The following L2HGDH variants were observed in gnomAD, a reference collection of about 807,000 sequenced individuals.
The protein encoded by L2HGDH is L-2-hydroxyglutarate dehydrogenase, also known as L-2-hydroxyglutarate dehydrogenase, mitochondrial.
A neutral mutation model predicts 51.5 loss-of-function variants in L2HGDH; 34 were observed. The observed-to-expected ratio is 0.66, with a 90% CI of 0.50 to 0.88. L2HGDH has a LOEUF of 0.88. Among genes scored for constraint, L2HGDH ranks in the 40% least tolerant of loss-of-function variants. The pLI, the probability that L2HGDH is intolerant of heterozygous loss-of-function variation, is 0.00. For synonymous variants in L2HGDH, 198 were observed against 197.9 expected, an observed-to-expected ratio of 1.00 and a Z score of -0.01; for missense variants, 558 against 571.9, an observed-to-expected ratio of 0.98 and a Z score of 0.25.
chr14:50,284,076 A>C, intron 4 of L2HGDH, 43 bp from the exon 5 acceptor site: 2 of 1,567,218 alleles, frequency 1.3e-6, no homozygotes, highest in Non-Finnish European at 1.8e-6. Flanking sequence ...GAGAAATAAT[A>C]CTTGCTAAAT....
At chr14:50,251,339 A>G (rs923515295) in intron 9 of L2HGDH, among the ~76,000 whole-genome samples, 1 of 152,152 alleles carries the variant, frequency 6.6e-6, no homozygotes. Context: ...AAAAGAAAAA[A>G]GAATAAAAAA....
At chr14:50,291,281 T>C (rs993786071) in intron 4 of L2HGDH, among the ~76,000 whole-genome samples, 4 of 151,676 alleles carry the variant, frequency 2.6e-5, no homozygotes, top group East Asian at 1.9e-4. Flanking sequence ...CAGGATGAAT[T>C]TGGCCCACAG....
At chr14:50,282,169 G>C (rs1890308662) in intron 5 of L2HGDH, among the ~76,000 whole-genome samples, 1 of 152,092 alleles carries the variant, frequency 6.6e-6, no homozygotes, top group African/African-American at 2.4e-5. Context: ...CATCACTTGG[G>C]GGCGTGATGG....
At position 50,312,165 on chromosome 14, in the gene L2HGDH, C is replaced by T. The variant is rs1460326506; in HGVS notation, c.-15G>A. The T allele has an allele frequency of 6.2e-7, 1 of 1,608,526 alleles. No individual in the cohort carries two copies. The highest frequency in any genetic ancestry group is 8.5e-7 in the Non-Finnish European group (1 of 1,178,932). On this transcript the variant is annotated 5_prime_UTR_variant, in exon 1 of 10. Coordinates refer to ENST00000267436, the MANE Select transcript of L2HGDH (RefSeq NM_024884.3). ...GCTGGCACCATCCCCTACGCACGCT[C>T]CCCTCCCTCAGCGCTCAGAAGAAGC...
intron 1 of L2HGDH, among the ~76,000 whole-genome samples, chr14:50,307,189 G>A (rs940126084): frequency 1.3e-5 from 2 of 152,040 alleles, no homozygotes; most frequent in Admixed American, 6.6e-5. Context: ...TTATTACCTT[G>A]GTACAGATTC....
In L2HGDH at chr14:50,312,132, A is replaced by G; in HGVS notation, c.19T>C (p.Tyr7His). Residue 7 changes from tyrosine to histidine, a missense_variant, in exon 1 of 10, where the codon TAT (tyrosine) becomes CAT (histidine). Tyr to His is a moderately conservative substitution (Grantham distance 83, BLOSUM62 2). This residue lies in a region of L2HGDH where 194 missense variants were observed against 187.2 expected (regional missense o/e 1.04). Transcript: ENST00000267436. Reference sequence around the variant, plus strand: ...GCCCGTCCGCAGGCACCAACCAAATAACGCAGCGCTGGCACCATCCCCTAC... The same window carrying G: ...GCCCGTCCGCAGGCACCAACCAAATGACGCAGCGCTGGCACCATCCCCTAC... MVPALR[Y>H]LVGACGRARG... The G allele has an allele frequency of 6.2e-7, 1 of 1,610,434 alleles. No individual in the cohort carries two copies. Among genetic ancestry groups the G allele is most frequent in the Non-Finnish European group, 8.5e-7 (1 of 1,179,070 alleles).
chr14:50,270,434 T>A (rs979669962), intron 6 of L2HGDH, among the ~76,000 whole-genome samples: 2 of 152,214 alleles, frequency 1.3e-5, no homozygotes, highest in Non-Finnish European at 2.9e-5. Context: ...TGACCTATTT[T>A]TGAAGCCTCA....
chr14:50,309,650 C>T (rs987162859), intron 1 of L2HGDH, among the ~76,000 whole-genome samples: 1 of 148,554 alleles, frequency 6.7e-6, no homozygotes, highest in African/African-American at 2.5e-5. Flanking sequence ...GGTAACACAA[C>T]AGATAACCTT....
chr14:50,286,952 T>C (rs958439085), intron 4 of L2HGDH, among the ~76,000 whole-genome samples: 1 of 152,208 alleles, frequency 6.6e-6, no homozygotes, highest in African/African-American at 2.4e-5. Context: ...CATCTTCTTA[T>C]CTATCTACAG....
chr14:50,283,206 GA>G (rs940702072), intron 5 of L2HGDH, among the ~76,000 whole-genome samples: 10 of 146,772 alleles, frequency 6.8e-5, no homozygotes, highest in African/African-American at 1.0e-4. Flanking sequence ...GCCCCAAGGG[GA>G]AAAAAAAAAT....
chr14:50,268,053 T>C, intron 7 of L2HGDH, 143 bp from the exon 8 acceptor site: 1 of 854,514 alleles, frequency 1.2e-6, no homozygotes, highest in Middle Eastern at 3.0e-4. Context: ...ACTTTTCCAT[T>C]AACATGCTTC....
chr14:50,271,400 T>G (rs1004406389), intron 6 of L2HGDH, among the ~76,000 whole-genome samples: 1 of 152,198 alleles, frequency 6.6e-6, no homozygotes. Context: ...AAGCAACAGT[T>G]CCCAAGAAAG....
intron 9 of L2HGDH, among the ~76,000 whole-genome samples, chr14:50,258,746 T>C (rs919131297): frequency 6.6e-6 from 1 of 152,038 alleles, no homozygotes; most frequent in Admixed American, 6.6e-5. Context: ...ACTCCTAGCC[T>C]CAAGAATCCT....
At chr14:50,311,153 G>A in intron 1 of L2HGDH, 1 of 349,542 alleles carries the variant, frequency 2.9e-6, no homozygotes, top group Admixed American at 3.8e-5. Flanking sequence ...TGTTGGTTAG[G>A]CTGGTCTCCA....
Position 50,245,951 on chromosome 14 carries a change from G to A in L2HGDH, c.*1107C>T, listed in dbSNP as rs895905985. On this transcript the variant is annotated 3_prime_UTR_variant, in exon 10 of 10. Coordinates refer to ENST00000267436, the MANE Select transcript of L2HGDH (RefSeq NM_024884.3). ...AGCCTGGCCAACATGGCAAAACCCC[G>A]TCTCTACTAAAAATACAAAAAATTA... The A allele has an allele frequency of 1.6e-5, 5 of 308,886 alleles. No homozygotes were observed. The highest frequency in any genetic ancestry group is 1.7e-4 in the East Asian group (1 of 5,770). 19.1% of individuals were successfully genotyped at this position (308,886 alleles called of 1,614,324 possible).
intron 9 of L2HGDH, among the ~76,000 whole-genome samples, chr14:50,248,839 A>C (rs575703756): frequency 6.6e-6 from 1 of 152,340 alleles, no homozygotes; most frequent in South Asian, 2.1e-4. Context: ...AAGAACCAAA[A>C]ATCAGGTGAG....
intron 5 of L2HGDH, among the ~76,000 whole-genome samples, chr14:50,283,549 G>A (rs1300752651): frequency 6.6e-6 from 1 of 152,028 alleles, no homozygotes; most frequent in African/African-American, 2.4e-5. Flanking sequence ...AAGGAGGATT[G>A]GTTCCAGGAA....
chr14:50,307,861 T>G (rs1034024255), intron 1 of L2HGDH, among the ~76,000 whole-genome samples: 1 of 152,194 alleles, frequency 6.6e-6, no homozygotes, highest in African/African-American at 2.4e-5. Flanking sequence ...TAATATTCAC[T>G]TTAAAACTTT....
intron 1 of L2HGDH, among the ~76,000 whole-genome samples, chr14:50,307,860 C>G (rs1372623519): frequency 6.6e-6 from 1 of 152,090 alleles, no homozygotes; most frequent in East Asian, 1.9e-4. Flanking sequence ...CTAATATTCA[C>G]TTTAAAACTT....
Sources: allele counts gnomAD v4.1 joint callset (sites outside exome capture counted in the v4.1 genomes callset), GRCh38; gene constraint gnomAD v4.1.1; regional missense constraint gnomAD v4.1.1; transcripts MANE v1.5; gene names NCBI Gene and HGNC (gene_info 2026-07-23, HGNC 2026-07-21).